GALNT17: variants seen among roughly 807,000 people sequenced by gnomAD.
GALNT17 encodes polypeptide N-acetylgalactosaminyltransferase 17.
Under a neutral mutation model 63.7 loss-of-function variants are expected in GALNT17, and 29 were observed. That is an observed-to-expected ratio of 0.46 (90% CI 0.34 to 0.62). The LOEUF (loss-of-function observed/expected upper bound fraction) is 0.62. Ranked by LOEUF, GALNT17 falls within the 20% of genes least tolerant of loss-of-function variation. GALNT17 has a pLI of 0.01. For missense variants in GALNT17, 603 were observed against 799.6 expected, an observed-to-expected ratio of 0.75 and a Z score of 2.97; for synonymous variants, 305 against 318.3, an observed-to-expected ratio of 0.96 and a Z score of 0.45.
chr7:71,458,511 C>G (rs1382634904), intron 5 of GALNT17, among the ~76,000 whole-genome samples: 1 of 152,210 alleles, frequency 6.6e-6, no homozygotes, highest in Non-Finnish European at 1.5e-5. Flanking sequence ...TTGCAGTGCT[C>G]CTTTAGCTCT....
chr7:71,235,251 G>A (rs1789865715), intron 1 of GALNT17, among the ~76,000 whole-genome samples: 1 of 147,896 alleles, frequency 6.8e-6, no homozygotes, highest in African/African-American at 2.6e-5. Flanking sequence ...ACTCCATCTC[G>A]GAAAAAAAAA....
intron 1 of GALNT17, among the ~76,000 whole-genome samples, chr7:71,237,367 C>T (rs1387943959): frequency 1.3e-5 from 2 of 151,714 alleles, no homozygotes; most frequent in Non-Finnish European, 2.9e-5. Context: ...TGGGACGGAA[C>T]AGGAAGATGT....
intron 5 of GALNT17, among the ~76,000 whole-genome samples, chr7:71,497,204 A>G (rs561600647): frequency 1.3e-5 from 2 of 152,328 alleles, no homozygotes; most frequent in Admixed American, 6.5e-5. Flanking sequence ...TGTATCTGCA[A>G]TGAGCTGACC....
intron 1 of GALNT17, among the ~76,000 whole-genome samples, chr7:71,192,240 A>G (rs527300441): frequency 1.5e-4 from 23 of 152,138 alleles, no homozygotes; most frequent in Admixed American, 1.3e-4. Flanking sequence ...GCCCACCCCC[A>G]TTGAGGGTGG....
At chr7:71,233,013 CT>C (rs1316970529) in intron 1 of GALNT17, among the ~76,000 whole-genome samples, 2 of 152,172 alleles carry the variant, frequency 1.3e-5, no homozygotes, top group African/African-American at 4.8e-5. Context: ...CTCAACAACC[CT>C]GTGAAGTAGG....
At chr7:71,677,382 A>T in intron 9 of GALNT17, 76 bp downstream of exon 9, 1 of 1,410,942 alleles carries the variant, frequency 7.1e-7, no homozygotes, top group Non-Finnish European at 9.7e-7. Context: ...GGCCTTCTGG[A>T]TAAACTTTGT....
intron 10 of GALNT17, among the ~76,000 whole-genome samples, chr7:71,711,272 AC>A (rs1192368287): frequency 1.3e-5 from 2 of 151,200 alleles, no homozygotes; most frequent in East Asian, 2.0e-4. Context: ...CAACATCCTG[AC>A]CCCCTCCTGA....
intron 2 of GALNT17, among the ~76,000 whole-genome samples, chr7:71,377,245 A>G (rs912794166): frequency 6.6e-6 from 1 of 150,616 alleles, no homozygotes; most frequent in Admixed American, 6.7e-5. Context: ...GAGCCCCACA[A>G]ATTTTTGGCT....
chr7:71,668,429 T>A (rs1045058419), intron 7 of GALNT17, among the ~76,000 whole-genome samples: 49 of 134,702 alleles, frequency 3.6e-4, no homozygotes, highest in Admixed American at 1.2e-3. Context: ...AGCAGGAGAA[T>A]CGCTTGAACC....
At chr7:71,215,068 T>A (rs10265414) in intron 1 of GALNT17, among the ~76,000 whole-genome samples, 56,694 of 152,172 alleles carry the variant, frequency 0.37, 10,903 homozygotes, top group South Asian at 0.53. Flanking sequence ...TATCATTTTA[T>A]CCTAAGCTTC....
intron 3 of GALNT17, among the ~76,000 whole-genome samples, chr7:71,411,596 C>T (rs1793431309): frequency 6.6e-6 from 1 of 152,138 alleles, no homozygotes; most frequent in Admixed American, 6.5e-5. Flanking sequence ...CACCCTAATG[C>T]TCTTAGGCTG....
chr7:71,309,520 C>A (rs1791374286), intron 1 of GALNT17, among the ~76,000 whole-genome samples: 1 of 152,110 alleles, frequency 6.6e-6, no homozygotes, highest in Non-Finnish European at 1.5e-5. Context: ...GTTCGCATAA[C>A]TTTTGTCTAC....
At chr7:71,703,804 G>A (rs999694185) in intron 9 of GALNT17, among the ~76,000 whole-genome samples, 1 of 152,316 alleles carries the variant, frequency 6.6e-6, no homozygotes, top group Middle Eastern at 3.4e-3. Flanking sequence ...GGTACCTACA[G>A]TGTGGGAAGA....
intron 1 of GALNT17, among the ~76,000 whole-genome samples, chr7:71,243,892 T>C (rs1363584437): frequency 6.6e-6 from 1 of 152,166 alleles, no homozygotes; most frequent in African/African-American, 2.4e-5. Context: ...CATGATGTCG[T>C]TGGCAGGATC....
intron 2 of GALNT17, among the ~76,000 whole-genome samples, chr7:71,363,863 C>A (rs1217194123): frequency 1.3e-5 from 2 of 152,120 alleles, no homozygotes; most frequent in African/African-American, 4.8e-5. Flanking sequence ...AACAGTTGGC[C>A]ACCTTTGATT....
intron 9 of GALNT17, among the ~76,000 whole-genome samples, chr7:71,688,554 G>C (rs1344020749): frequency 1.6e-5 from 1 of 63,644 alleles, no homozygotes; most frequent in African/African-American, 6.6e-5. Context: ...CCTGAGAAGT[G>C]GCTCTCGTGA....
intron 1 of GALNT17, among the ~76,000 whole-genome samples, chr7:71,178,031 G>A (rs1200015496): frequency 1.3e-5 from 2 of 152,112 alleles, no homozygotes; most frequent in Non-Finnish European, 2.9e-5. Flanking sequence ...CTGTATACCT[G>A]AGATACCATC....
chr7:71,462,551 G>C (rs1456323871), intron 5 of GALNT17, among the ~76,000 whole-genome samples: 1 of 152,196 alleles, frequency 6.6e-6, no homozygotes, highest in East Asian at 1.9e-4. Flanking sequence ...TGTGCCCAAG[G>C]TGGTCGGGGC....
intron 6 of GALNT17, among the ~76,000 whole-genome samples, chr7:71,641,425 G>A (rs1390487869): frequency 7.2e-5 from 11 of 152,146 alleles, no homozygotes; most frequent in Non-Finnish European, 1.3e-4. Flanking sequence ...ACACTAGGTA[G>A]CTGATAAACA....
Sources: allele counts gnomAD v4.1 joint callset (sites outside exome capture counted in the v4.1 genomes callset), GRCh38; gene constraint gnomAD v4.1.1; transcripts MANE v1.5; gene names NCBI Gene and HGNC (gene_info 2026-07-23, HGNC 2026-07-21).